Variants in BRI3BP observed in about 807,000 individuals in gnomAD.
The protein encoded by BRI3BP is BRI3-binding protein.
In BRI3BP, 7 loss-of-function variants were observed where a neutral mutation model predicts 15.8. The ratio of observed to expected loss-of-function variants is 0.44; its 90% CI spans 0.25 to 0.83. The LOEUF is 0.83. Among genes scored for constraint, BRI3BP ranks in the 40% least tolerant of loss-of-function variants. BRI3BP has a pLI of 0.20. For synonymous variants in BRI3BP, 192 were observed against 163.5 expected (o/e 1.17, Z -1.33); for missense variants, 320 against 339.3 (o/e 0.94, Z 0.45).
intron 1 of BRI3BP, among the ~76,000 whole-genome samples, chr12:125,005,627 C>T (rs1955135461): frequency 6.6e-6 from 1 of 152,126 alleles, no homozygotes; most frequent in African/African-American, 2.4e-5. Flanking sequence ...AAAAATTAGC[C>T]AGACATGGTG....
At chr12:125,045,361 G>A in the BRI3BP span, among the ~76,000 whole-genome samples, 1 of 151,630 alleles carries the variant, frequency 6.6e-6, no homozygotes, top group East Asian at 1.9e-4. Flanking sequence ...TTTTTTGGAC[G>A]GAGTCTCACT....
Position 125,012,523 on chromosome 12 carries a change from T to C in BRI3BP, c.214-11T>C, listed in dbSNP as rs753801386. 11 of 1,583,572 alleles carry C rather than the reference T, an allele frequency of 6.9e-6. No homozygotes were observed. Among genetic ancestry groups the C allele is most frequent in the Non-Finnish European group, 9.5e-6 (11 of 1,152,336 alleles). ...AGTGATTGGGTGATGACCGTTTTCT[T>C]GTTTCTGCAGTTCTTGGCCAGGCTG... On this transcript the variant is annotated splice_polypyrimidine_tract_variant and intron_variant, in intron 1 of 2. Transcript: ENST00000341446.
At position 125,025,586 on chromosome 12, in the gene BRI3BP, T is replaced by C. The variant is rs1955347102; in HGVS notation, c.*156T>C. ...CTATTTCCACCCACCCGGCAGCTCT[T>C]AGGACACATTCCCAGAAGAGCGGAA... is the stretch of plus-strand genomic sequence containing the variant. On this transcript the variant is annotated 3_prime_UTR_variant, in exon 3 of 3. Coordinates refer to ENST00000341446, the MANE Select transcript of BRI3BP (RefSeq NM_080626.6). 2 of 721,632 alleles carry C rather than the reference T, an allele frequency of 2.8e-6. No homozygotes were observed. Among genetic ancestry groups the C allele is most frequent in the Middle Eastern group, 4.0e-4 (1 of 2,502 alleles). 44.7% of individuals were successfully genotyped at this position (721,632 alleles called of 1,614,324 possible). A position where few individuals can be genotyped will look rare whatever the true frequency, so the allele number is the denominator to read the frequency against.
At chr12:125,010,550 G>T (rs1955188227) in intron 1 of BRI3BP, among the ~76,000 whole-genome samples, 1 of 152,152 alleles carries the variant, frequency 6.6e-6, no homozygotes, top group African/African-American at 2.4e-5. Context: ...AAGCTGAGAT[G>T]GGTGGATCAC....
At chr12:125,023,154 A>G (rs1470112708) in intron 2 of BRI3BP, among the ~76,000 whole-genome samples, 2 of 152,222 alleles carry the variant, frequency 1.3e-5, no homozygotes, top group Non-Finnish European at 2.9e-5. Context: ...CAGAAATCCA[A>G]CATAACATTG....
At chr12:125,006,926 C>T (rs556965776) in intron 1 of BRI3BP, among the ~76,000 whole-genome samples, 17 of 152,208 alleles carry the variant, frequency 1.1e-4, no homozygotes, top group Admixed American at 3.3e-4. Flanking sequence ...TATCTGGGCG[C>T]GGTGGGTCAC....
chr12:125,028,606 G>C lies in BRI3BP; in HGVS notation c.*3176G>C, dbSNP rs560614982. On this transcript the variant is annotated 3_prime_UTR_variant, in exon 3 of 3. Coordinates refer to ENST00000341446, the MANE Select transcript of BRI3BP (RefSeq NM_080626.6). The stretch of plus-strand genomic sequence containing the variant: ...TTAATGAAAGAACCTACAGTTAGTA[G>C]GTGTCACCTCAGGGTAGAAATTCTG... The C allele has an allele frequency of 2.0e-4, 31 of 152,192 alleles. 1 individual carries two copies. Among genetic ancestry groups the C allele is most frequent in the African/African-American group, 7.5e-4 (31 of 41,528 alleles). 9.4% of individuals were successfully genotyped at this position (152,192 alleles called of 1,614,324 possible).
rs891732545 is a variant in BRI3BP, at chr12:125,028,962, G to A, written c.*3532G>A. On this transcript the variant is annotated 3_prime_UTR_variant, in exon 3 of 3. Coordinates refer to ENST00000341446, the MANE Select transcript of BRI3BP (RefSeq NM_080626.6). Reference sequence around the variant, plus strand: ...AGCGTAACACTTCACTGAATGTGACGTAAAAGCATTCTGATGAAAACTGGT... The same window carrying A: ...AGCGTAACACTTCACTGAATGTGACATAAAAGCATTCTGATGAAAACTGGT... 8 of 152,142 alleles carry A rather than the reference G, an allele frequency of 5.3e-5. No homozygotes were observed. Among genetic ancestry groups the A allele is most frequent in the African/African-American group, 1.7e-4 (7 of 41,432 alleles). The allele number at this position is 152,142 out of a possible 1,614,324, so 9.4% of individuals were successfully genotyped here. A position where few individuals can be genotyped will look rare whatever the true frequency, so the allele number is the denominator to read the frequency against.
the BRI3BP span, among the ~76,000 whole-genome samples, chr12:125,039,231 T>C: frequency 6.6e-6 from 1 of 152,250 alleles, no homozygotes; most frequent in Non-Finnish European, 1.5e-5. Context: ...AATTCTGTTT[T>C]CTGCTGCACT....
At chr12:125,018,552 T>C (rs113328551) in intron 2 of BRI3BP, among the ~76,000 whole-genome samples, 7,936 of 151,724 alleles carry the variant, frequency 0.052, 691 homozygotes, top group African/African-American at 0.18. Flanking sequence ...TCACCAGCAA[T>C]CCGCAGACAC....
chr12:125,034,802 C>A (rs187753798), downstream of BRI3BP, among the ~76,000 whole-genome samples: 3,868 of 152,200 alleles, frequency 0.025, 158 homozygotes, highest in African/African-American at 0.084. Flanking sequence ...ATTGGCCAGA[C>A]TAGTCTCGAA....
At chr12:125,012,243 C>G (rs926020283) in intron 1 of BRI3BP, among the ~76,000 whole-genome samples, 2 of 152,174 alleles carry the variant, frequency 1.3e-5, no homozygotes, top group African/African-American at 4.8e-5. Flanking sequence ...TGAAAGACAG[C>G]AGGAGCAATG....
rs780852991 is a variant in BRI3BP at position 125,031,110 on chromosome 12, T to G, written c.*5680T>G. On this transcript the variant is annotated 3_prime_UTR_variant, in exon 3 of 3. Transcript: ENST00000341446. ...TATTAAATCACTGGCTTTGGTGTTA[T>G]GTAGAGATATTTGTAGATCTCAGAA... The G allele has an allele frequency of 1.3e-5, 2 of 152,236 alleles. No homozygotes were observed. The highest frequency in any genetic ancestry group is 1.5e-5 in the Non-Finnish European group (1 of 68,034). 9.4% of individuals were successfully genotyped at this position (152,236 alleles called of 1,614,324 possible).
intron 2 of BRI3BP, among the ~76,000 whole-genome samples, chr12:125,022,079 TAAAAAAAAAAA>T (rs57327862): frequency 7.7e-6 from 1 of 129,336 alleles, no homozygotes; most frequent in Non-Finnish European, 1.7e-5. Flanking sequence ...GACCCTGTCT[TAAAAAAAAAAA>T]AAAAAAAAAA....
the BRI3BP span, among the ~76,000 whole-genome samples, chr12:125,044,972 G>C: frequency 1.3e-5 from 2 of 152,106 alleles, no homozygotes; most frequent in Non-Finnish European, 2.9e-5. Context: ...AGTCATCCTA[G>C]CCATTCATCC....
chr12:124,997,183 T>A (rs1378143758), intron 1 of BRI3BP, among the ~76,000 whole-genome samples: 1 of 143,052 alleles, frequency 7.0e-6, no homozygotes, highest in Non-Finnish European at 1.5e-5. Context: ...AGCCAGTTGC[T>A]TTACTTCTCT....
At chr12:125,009,864 C>T (rs12305942) in intron 1 of BRI3BP, among the ~76,000 whole-genome samples, 6,439 of 152,022 alleles carry the variant, frequency 0.042, 265 homozygotes, top group Admixed American at 0.12. Context: ...CACTTTGGGA[C>T]GCCTAGGCAG....
At chr12:125,012,949 G>A (rs1446415874) in intron 2 of BRI3BP, among the ~76,000 whole-genome samples, 2 of 152,030 alleles carry the variant, frequency 1.3e-5, no homozygotes, top group Non-Finnish European at 2.9e-5. Flanking sequence ...TGGGTGCAGT[G>A]ATGTGCACCT....
chr12:124,993,889 G>C lies in BRI3BP; in HGVS notation c.99G>C (p.Gln33His), dbSNP rs1001687056. 1.6e-6 allele frequency: 2 copies of C among 1,252,110 alleles called. No individual in the cohort carries two copies. The highest frequency in any genetic ancestry group is 3.2e-5 in the African/African-American group (2 of 62,668). The allele number at this position is 1,252,110 out of a possible 1,614,324, so 77.6% of individuals were successfully genotyped here. Residue 33 changes from glutamine (Q) to histidine (H), a missense_variant, in exon 1 of 3, where the codon CAG becomes CAC. By Grantham distance (24) the Gln-to-His change is conservative (BLOSUM62 0). Coordinates refer to ENST00000341446, the MANE Select transcript of BRI3BP (RefSeq NM_080626.6). ...LLLGLLAPGAQGARGRGGAEK... is the reference protein window; with the variant it reads ...LLLGLLAPGAHGARGRGGAEK... ...TCGGGCTGCTGGCCCCGGGCGCGCAGGGGGCGCGGGGCCGCGGCGGCGCGG... is the reference window on the plus strand; with the variant it reads ...TCGGGCTGCTGGCCCCGGGCGCGCACGGGGCGCGGGGCCGCGGCGGCGCGG...
Sources: gnomAD v4.1 joint callset for allele counts (sites outside exome capture counted in the v4.1 genomes callset) on GRCh38, gnomAD v4.1.1 for gene constraint, MANE v1.5 for transcripts, NCBI Gene and HGNC (gene_info 2026-07-23, HGNC 2026-07-21) for gene names.